Variants in RMC1 observed in about 807,000 individuals in gnomAD.
RMC1 encodes regulator of MON1-CCZ1.
In RMC1, 44 loss-of-function variants were observed where a neutral mutation model predicts 95.5. The observed-to-expected ratio is 0.46, with a 90% confidence interval of 0.36 to 0.59. RMC1 has a LOEUF of 0.59. Among genes scored for constraint, RMC1 ranks in the 20% least tolerant of loss-of-function variants. RMC1 has a pLI of 0.00. For synonymous variants in RMC1, 320 were observed against 303.6 expected (o/e 1.05, Z -0.56); for missense variants, 705 against 819.6 (o/e 0.86, Z 1.71).
intron 10 of RMC1, chr18:23,522,485 TA>T (rs1479407097): frequency 6.6e-6 from 1 of 152,240 alleles, no homozygotes; most frequent in African/African-American, 2.4e-5. Context: ...TTTTTAATGA[TA>T]TTTTTTAAGC....
intron 2 of RMC1, chr18:23,504,833 GA>G (rs762255751): frequency 1.1e-5 from 2 of 182,428 alleles, no homozygotes; most frequent in Non-Finnish European, 2.4e-5. Context: ...AATAATACAA[GA>G]AAATCATGGC....
chr18:23,523,435 G>A (rs1263761399), intron 10 of RMC1, among the ~76,000 whole-genome samples: 1 of 147,128 alleles, frequency 6.8e-6, no homozygotes, highest in African/African-American at 2.5e-5. Flanking sequence ...AAGTGGCTGG[G>A]CACAGTGGCT....
intron 10 of RMC1, among the ~76,000 whole-genome samples, chr18:23,523,566 AAAAG>A (rs1567927840): frequency 7.2e-6 from 1 of 139,634 alleles, no homozygotes; most frequent in Non-Finnish European, 1.6e-5. Flanking sequence ...AAAAAAAAAA[AAAAG>A]AAAAAAAGTT....
Position 23,531,692 on chromosome 18 carries a change from T to C in RMC1, c.1962T>C (p.Pro654=). The change falls in exon 20 of 20, where the codon CCT becomes CCC. Residue 654 remains proline (P), a synonymous_variant. Transcript: ENST00000269221. ...QIFGDQALMR[P]TTF is the part of the protein sequence containing the mutation. The stretch of plus-strand genomic sequence containing the variant: ...TTGGAGACCAAGCTCTAATGAGGCC[T>C]ACAACATTCTGAAATCACTTGCTGT... 1 of 1,609,426 alleles carries C rather than the reference T, an allele frequency of 6.2e-7. No homozygotes were observed. The highest frequency in any genetic ancestry group is 2.2e-5 in the East Asian group (1 of 44,848).
intron 5 of RMC1, among the ~76,000 whole-genome samples, chr18:23,510,475 C>A (rs2057824082): frequency 6.6e-6 from 1 of 152,156 alleles, no homozygotes; most frequent in Admixed American, 6.5e-5. Flanking sequence ...TGACGAAACC[C>A]TGTCTCTATT....
Position 23,508,008 on chromosome 18 carries a change from T to C in RMC1, c.288T>C (p.Asp96=). 6.2e-7 allele frequency: 1 copy of C among 1,611,362 alleles called. No individual in the cohort carries two copies. The highest frequency in any genetic ancestry group is 8.5e-7 in the Non-Finnish European group (1 of 1,178,978). Residue 96 remains aspartate (D), a synonymous_variant, in exon 4 of 20, where the codon GAT becomes GAC. Transcript: ENST00000269221. ...AGGATTTTTGTAATTTTATCCCTGA[T>C]AATTCCCAGCTGGAATACACACAGG... ...KTVDFCNFIP[D]NSQLEYTQEC...
intron 10 of RMC1, 93 bp from the exon 11 acceptor site, chr18:23,524,037 G>T: frequency 1.5e-6 from 2 of 1,313,560 alleles, no homozygotes; most frequent in South Asian, 1.2e-5. Flanking sequence ...ATTTCGTAAT[G>T]ACATTAAAAA....
intron 11 of RMC1, 101 bp from the exon 12 acceptor site, chr18:23,524,328 C>T (rs996344205): frequency 1.1e-5 from 17 of 1,498,544 alleles, no homozygotes; most frequent in Middle Eastern, 3.4e-4. Flanking sequence ...TCGCGTTTAG[C>T]GTGGACTCAG....
At position 23,519,106 on chromosome 18, in the gene RMC1, A is replaced by C. The variant is rs372391248; in HGVS notation, c.781A>C (p.Asn261His). The stretch of plus-strand genomic sequence containing the variant: ...TAAAAAGATGCACATATTGAAGTTA[A>C]ATAGGACGGGAAAGTTTGCCCTGAA... ...ACKKMHILKLNRTGKFALNVV... is the reference protein window; with the variant it reads ...ACKKMHILKLHRTGKFALNVV... Residue 261 changes from asparagine (N) to histidine (H), a missense_variant, in exon 9 of 20, where the codon AAT becomes CAT. Coordinates refer to ENST00000269221, the MANE Select transcript of RMC1 (RefSeq NM_013326.5). The C allele has an allele frequency of 1.2e-6, 2 of 1,614,102 alleles. No homozygotes were observed. Among genetic ancestry groups the C allele is most frequent in the African/African-American group, 1.3e-5 (1 of 74,928 alleles).
intron 12 of RMC1, among the ~76,000 whole-genome samples, chr18:23,525,195 C>A (rs958149654): frequency 6.6e-6 from 1 of 151,904 alleles, no homozygotes; most frequent in African/African-American, 2.4e-5. Context: ...ATCCGCCTGC[C>A]TCGGCCTCCC....
chr18:23,508,886 G>A (rs1399942930), intron 4 of RMC1: 1 of 165,276 alleles, frequency 6.1e-6, no homozygotes, highest in African/African-American at 2.4e-5. Flanking sequence ...TAAGAATGTT[G>A]GCAGTATGGT....
Position 23,531,672 on chromosome 18 carries a change from G to A in RMC1, c.1942G>A (p.Asp648Asn). 1 of 1,613,386 alleles carries A rather than the reference G, an allele frequency of 6.2e-7. No homozygotes were observed. Among genetic ancestry groups the A allele is most frequent in the Non-Finnish European group, 8.5e-7 (1 of 1,179,872 alleles). The change falls in exon 20 of 20, where the codon GAC becomes AAC. Residue 648 changes from aspartate to asparagine, a missense_variant. By Grantham distance (23) the Asp-to-Asn change is conservative. Coordinates refer to ENST00000269221, the MANE Select transcript of RMC1 (RefSeq NM_013326.5). ...HVAFFKQIFGDQALMRPTTF is the reference protein window; with the variant it reads ...HVAFFKQIFGNQALMRPTTF ...TGCTTTTTTCAAACAGATTTTTGGA[G>A]ACCAAGCTCTAATGAGGCCTACAAC...
intron 10 of RMC1, 37 bp from the exon 11 acceptor site, chr18:23,524,093 G>A: frequency 6.2e-7 from 1 of 1,610,192 alleles, no homozygotes; most frequent in Non-Finnish European, 8.5e-7. Flanking sequence ...AGCATTTTCT[G>A]ACTGCATCGT....
intron 10 of RMC1, among the ~76,000 whole-genome samples, chr18:23,523,688 C>T (rs536065014): frequency 6.0e-4 from 91 of 151,934 alleles, no homozygotes; most frequent in South Asian, 2.7e-3. Context: ...AACTACTGCA[C>T]TCAAGCCTGG....
chr18:23,531,754 G>A lies in RMC1; in HGVS notation c.*50G>A. ...AAAATGTGTACAAAGTTAATTTATT[G>A]CATTAATAAAGCTCTTTAAACTATA... On this transcript the variant is annotated 3_prime_UTR_variant, in exon 20 of 20. Transcript: ENST00000269221. 6.3e-7 allele frequency: 1 copy of A among 1,585,098 alleles called. No individual in the cohort carries two copies. Among genetic ancestry groups the A allele is most frequent in the South Asian group, 1.2e-5 (1 of 85,740 alleles).
At chr18:23,514,575 G>T (rs1326857371) in intron 5 of RMC1, among the ~76,000 whole-genome samples, 1 of 151,284 alleles carries the variant, frequency 6.6e-6, no homozygotes, top group Non-Finnish European at 1.5e-5. Context: ...AAAAAAATTT[G>T]TAATGACCAA....
In RMC1 at chr18:23,519,003, C is replaced by G. The variant is rs74383409; in HGVS notation, c.743+24C>G. On this transcript the variant is annotated intron_variant, in intron 8 of 19. Coordinates refer to ENST00000269221, the MANE Select transcript of RMC1 (RefSeq NM_013326.5). ...CGGTAGATTTCATGCTTTGTTTTCCCTCTCTCTCTGATTTTAAAATGTGAA... is the reference window on the plus strand; with the variant it reads ...CGGTAGATTTCATGCTTTGTTTTCCGTCTCTCTCTGATTTTAAAATGTGAA... 1,429 of 1,612,542 alleles carry G rather than the reference C, an allele frequency of 8.9e-4. 27 individuals are homozygous for G. The East Asian group carries it at 0.028, about 32-fold the overall frequency.
intron 10 of RMC1, among the ~76,000 whole-genome samples, chr18:23,522,151 T>C (rs1454181225): frequency 5.3e-5 from 8 of 152,244 alleles, no homozygotes; most frequent in Admixed American, 5.2e-4. Context: ...AGCCAAAAGC[T>C]TAGTTACTTT....
At chr18:23,529,414 T>C in intron 15 of RMC1, 116 bp downstream of exon 15, 2 of 1,444,808 alleles carry the variant, frequency 1.4e-6, no homozygotes, top group Non-Finnish European at 1.8e-6. Context: ...ATCACTGGAG[T>C]TTCCTTGGGT....
Sources: allele counts gnomAD v4.1 joint callset (sites outside exome capture counted in the v4.1 genomes callset), GRCh38; gene constraint gnomAD v4.1.1; transcripts MANE v1.5; gene names NCBI Gene and HGNC (gene_info 2026-07-23, HGNC 2026-07-21).